CHRM3: variants seen among roughly 807,000 people sequenced by gnomAD.
CHRM3 encodes the protein cholinergic receptor muscarinic 3, also known as muscarinic acetylcholine receptor M3.
CHRM3 carries 11 observed loss-of-function variants against 41.8 expected under a neutral mutation model. That is an observed-to-expected ratio of 0.26 (90% confidence interval 0.17 to 0.44). The LOEUF (loss-of-function observed/expected upper bound fraction) is 0.44, where lower values mean the gene tolerates loss of function less well. CHRM3 is among the 20% of genes least tolerant of loss of function. The pLI is 1.00. For missense variants in CHRM3, 571 were observed against 745.4 expected (o/e 0.77, Z 2.72); for synonymous variants, 297 against 301.4 (o/e 0.99, Z 0.15).
intron 1 of CHRM3, among the ~76,000 whole-genome samples, chr1:239,440,706 A>C (rs1663653211): frequency 1.3e-5 from 2 of 152,224 alleles, no homozygotes; most frequent in Admixed American, 6.5e-5. Flanking sequence ...CTCGACATTT[A>C]TCAAATGAAT....
chr1:239,445,932 A>G (rs566909390), intron 1 of CHRM3, among the ~76,000 whole-genome samples: 39 of 148,884 alleles, frequency 2.6e-4, no homozygotes, highest in Non-Finnish European at 4.5e-4. Flanking sequence ...GACATCTTGA[A>G]TGGTGTGCAC....
chr1:239,642,715 C>A (rs1180510655), intron 4 of CHRM3, among the ~76,000 whole-genome samples: 1 of 152,166 alleles, frequency 6.6e-6, no homozygotes, highest in South Asian at 2.1e-4. Context: ...GTTTGAATTT[C>A]CTCCTGTAGC....
At chr1:239,770,664 A>G (rs1306319393) in intron 5 of CHRM3, among the ~76,000 whole-genome samples, 2 of 152,156 alleles carry the variant, frequency 1.3e-5, no homozygotes, top group Non-Finnish European at 2.9e-5. Flanking sequence ...AAGTAGAGGG[A>G]CCTGAGTGAT....
At chr1:239,787,397 G>A (rs1488825671) in intron 5 of CHRM3, among the ~76,000 whole-genome samples, 2 of 92,050 alleles carry the variant, frequency 2.2e-5, no homozygotes, top group Non-Finnish European at 4.7e-5. Context: ...TTGGCAGTAA[G>A]GATGAAGCAG....
At chr1:239,526,657 A>C (rs950676894) in intron 2 of CHRM3, among the ~76,000 whole-genome samples, 2 of 152,190 alleles carry the variant, frequency 1.3e-5, no homozygotes, top group African/African-American at 4.8e-5. Flanking sequence ...GTATTGCATA[A>C]GACTAATTTC....
chr1:239,907,976 G>T lies in CHRM3; in HGVS notation c.525G>T (p.Thr175=). Residue 175 remains threonine, a synonymous_variant, in exon 7 of 7, where the codon ACG becomes ACT. Transcript: ENST00000676153. This position sits in a 1 kb window ranked among gnomAD's most constrained non-coding sequence, Gnocchi z 5.4. ...DRYFSITRPL[T]YRAKRTTKRA... ...ACTTTTCCATCACGAGGCCGCTCAC[G>T]TACCGAGCCAAACGAACAACAAAGA... The T allele has an allele frequency of 1.2e-6, 2 of 1,614,152 alleles. No homozygotes were observed. The highest frequency in any genetic ancestry group is 1.7e-6 in the Non-Finnish European group (2 of 1,180,026).
chr1:239,550,136 G>T (rs1320262897), intron 3 of CHRM3, among the ~76,000 whole-genome samples: 5 of 152,016 alleles, frequency 3.3e-5, no homozygotes, highest in Non-Finnish European at 7.4e-5. Flanking sequence ...CCTAGCAGCA[G>T]CAAGCCTTAC....
chr1:239,891,793 C>G (rs889752253), intron 6 of CHRM3, among the ~76,000 whole-genome samples: 17 of 152,112 alleles, frequency 1.1e-4, no homozygotes, highest in African/African-American at 4.1e-4. Flanking sequence ...CACTCCATGG[C>G]AGATGGTCTC....
chr1:239,707,737 G>C (rs1032980059), intron 5 of CHRM3: 4 of 152,048 alleles, frequency 2.6e-5, no homozygotes, highest in Non-Finnish European at 5.9e-5. Flanking sequence ...AAGAGAGTTT[G>C]TCAGCAATTA....
At chr1:239,619,514 T>G (rs1668116647) in intron 3 of CHRM3, among the ~76,000 whole-genome samples, 1 of 152,214 alleles carries the variant, frequency 6.6e-6, no homozygotes, top group African/African-American at 2.4e-5. Flanking sequence ...TTGTTACTGA[T>G]TCTTCATTTT....
intron 2 of CHRM3, among the ~76,000 whole-genome samples, chr1:239,535,082 C>T (rs1433581827): frequency 6.6e-6 from 1 of 152,136 alleles, no homozygotes; most frequent in Non-Finnish European, 1.5e-5. Flanking sequence ...CTGGGCTGCT[C>T]CTACAGCTTT....
intron 5 of CHRM3, among the ~76,000 whole-genome samples, chr1:239,718,457 G>A (rs1013660306): frequency 6.6e-6 from 1 of 151,964 alleles, no homozygotes; most frequent in African/African-American, 2.4e-5. Flanking sequence ...AGAGCTATTT[G>A]TTTCTAATTG....
At chr1:239,660,007 C>T (rs755110712) in intron 4 of CHRM3, among the ~76,000 whole-genome samples, 8 of 152,206 alleles carry the variant, frequency 5.3e-5, no homozygotes, top group Non-Finnish European at 7.3e-5. Flanking sequence ...GTTGTCCAGG[C>T]TGGAGTGCAG....
At chr1:239,474,963 A>G (rs1666370449) in intron 1 of CHRM3, among the ~76,000 whole-genome samples, 1 of 152,106 alleles carries the variant, frequency 6.6e-6, no homozygotes, top group Admixed American at 6.5e-5. Context: ...ACTATTCTAA[A>G]TTTTGGCCAC....
chr1:239,530,059 A>G (rs1427911686), intron 2 of CHRM3, among the ~76,000 whole-genome samples: 3 of 151,902 alleles, frequency 2.0e-5, no homozygotes, highest in East Asian at 1.9e-4. Flanking sequence ...CACCATGCCC[A>G]GCTAATTTTT....
At chr1:239,404,149 C>T (rs1428862359) in intron 1 of CHRM3, among the ~76,000 whole-genome samples, 3 of 150,358 alleles carry the variant, frequency 2.0e-5, no homozygotes, top group Admixed American at 6.7e-5. Context: ...ATTAGCCAGG[C>T]GTGGTGGTGG....
chr1:239,521,856 T>G (rs913967757), intron 2 of CHRM3, among the ~76,000 whole-genome samples: 1 of 152,112 alleles, frequency 6.6e-6, no homozygotes, highest in African/African-American at 2.4e-5. Context: ...GTACTAGATA[T>G]TACAAGTAAT....
chr1:239,387,583 T>C lies in CHRM3; in HGVS notation c.-521+356T>C, dbSNP rs1044383172. On this transcript the variant is annotated intron_variant, in intron 1 of 6. Transcript: ENST00000676153. This position sits in a 1 kb window ranked among gnomAD's most constrained non-coding sequence, Gnocchi z 5.1. ...ACCCCGCTCTCCCTCGCTTCGATTC[T>C]CTCTTCGCCACTGCCGGATCTGAGG... Among the ~76,000 whole-genome samples, 1 of 152,006 alleles carries C rather than the reference T, an allele frequency of 6.6e-6. No homozygotes were observed. Among genetic ancestry groups the C allele is most frequent in the Non-Finnish European group, 1.5e-5 (1 of 68,002 alleles).
At chr1:239,654,484 C>T (rs1358764050) in intron 4 of CHRM3, among the ~76,000 whole-genome samples, 2 of 152,124 alleles carry the variant, frequency 1.3e-5, no homozygotes, top group African/African-American at 4.8e-5. Context: ...CTGCAAACTT[C>T]GCCTCCTGGG....
Sources: allele counts gnomAD v4.1 joint callset (sites outside exome capture counted in the v4.1 genomes callset), GRCh38; gene constraint gnomAD v4.1.1; non-coding constraint Gnocchi (gnomAD v3.1); transcripts MANE v1.5; gene names NCBI Gene and HGNC (gene_info 2026-07-23, HGNC 2026-07-21).